ARHGAP25: variants seen among roughly 807,000 people sequenced by gnomAD.
The protein encoded by ARHGAP25 is Rho GTPase activating protein 25.
Under a neutral mutation model 71.0 loss-of-function variants are expected in ARHGAP25, and 34 were observed. The observed-to-expected ratio is 0.48, with a 90% CI of 0.36 to 0.64. ARHGAP25 has a LOEUF of 0.64. Among genes scored for constraint, ARHGAP25 ranks in the 30% least tolerant of loss-of-function variants. The pLI is 0.00. For synonymous variants in ARHGAP25, 282 were observed against 296.5 expected (o/e 0.95, Z 0.50); for missense variants, 706 against 805.1 (o/e 0.88, Z 1.49).
intron 2 of ARHGAP25, among the ~76,000 whole-genome samples, chr2:68,778,349 T>A (rs917407325): frequency 6.6e-5 from 10 of 151,948 alleles, no homozygotes; most frequent in Admixed American, 1.3e-4. Context: ...TATATACTAA[T>A]CCCATTCTTG....
At chr2:68,802,706 A>AG (rs1491439738) in intron 4 of ARHGAP25, among the ~76,000 whole-genome samples, 3 of 45,798 alleles carry the variant, frequency 6.6e-5, no homozygotes, top group African/African-American at 1.5e-4. Flanking sequence ...AATAGAGGAG[A>AG]AAGAGAGAGA....
chr2:68,782,102 A>G, intron 2 of ARHGAP25, 131 bp from the exon 3 acceptor site: 1 of 757,574 alleles, frequency 1.3e-6, no homozygotes, highest in Non-Finnish European at 2.1e-6. Flanking sequence ...TAAAACTGGG[A>G]GGCTAGCTTC....
At chr2:68,721,722 G>A (rs1674767492) in intron 2 of ARHGAP25, among the ~76,000 whole-genome samples, 1 of 152,238 alleles carries the variant, frequency 6.6e-6, no homozygotes, top group African/African-American at 2.4e-5. Flanking sequence ...GCTGGGTGGT[G>A]GAGCAGTCCA....
chr2:68,726,189 A>T (rs72828865), intron 2 of ARHGAP25, among the ~76,000 whole-genome samples: 3,600 of 152,318 alleles, frequency 0.024, 60 homozygotes, highest in Non-Finnish European at 0.035. Flanking sequence ...CTGTGTTCTC[A>T]GCACCTAGAG....
intron 1 of ARHGAP25, among the ~76,000 whole-genome samples, chr2:68,757,204 T>C (rs1012201910): frequency 1.3e-5 from 2 of 152,096 alleles, no homozygotes; most frequent in African/African-American, 2.4e-5. Flanking sequence ...AGCTTACTCA[T>C]TGTGGGAGTC....
At chr2:68,819,421 T>A (rs936084320) in intron 9 of ARHGAP25, 102 bp downstream of exon 9, 28 of 1,226,428 alleles carry the variant, frequency 2.3e-5, no homozygotes, top group Non-Finnish European at 3.2e-5. Context: ...GAGTTTTAGG[T>A]GATGCAGTGG....
Position 68,817,936 on chromosome 2 carries a change from T to G in ARHGAP25, c.945T>G (p.Thr315=). ...VNKMSVDNLA[T]VIGVNLIRSK... ...AGATGAGTGTGGACAACCTGGCTAC[T>G]GTGATTGGTGTGAATCTCATCAGGT... is the stretch of plus-strand genomic sequence containing the variant. Residue 315 remains threonine (T), a synonymous_variant, in exon 8 of 11, where the codon ACT becomes ACG. Transcript: ENST00000409202. 6.2e-7 allele frequency: 1 copy of G among 1,614,156 alleles called. No individual in the cohort carries two copies. The highest frequency in any genetic ancestry group is 1.1e-5 in the South Asian group (1 of 91,082).
intron 2 of ARHGAP25, among the ~76,000 whole-genome samples, chr2:68,777,581 T>G (rs1282343883): frequency 6.6e-6 from 1 of 152,206 alleles, no homozygotes; most frequent in East Asian, 1.9e-4. Context: ...TAGGTAACAC[T>G]TCTAGGATGA....
chr2:68,818,579 C>A (rs1389464689), intron 8 of ARHGAP25, among the ~76,000 whole-genome samples: 1 of 152,224 alleles, frequency 6.6e-6, no homozygotes, highest in Non-Finnish European at 1.5e-5. Flanking sequence ...CTTCCCACCT[C>A]GGCCTCCCAA....
chr2:68,721,499 G>A lies in ARHGAP25; in HGVS notation c.-18+10801G>A, dbSNP rs115389797. Reference sequence around the variant, plus strand: ...AATTGGATTTGAAATGGCAATGAAAGTCAAAGTGTTATCTTTGCCAGTGTG... The same window carrying A: ...AATTGGATTTGAAATGGCAATGAAAATCAAAGTGTTATCTTTGCCAGTGTG... On this transcript the variant is annotated intron_variant and NMD_transcript_variant, in intron 2 of 7. Transcript: ENST00000463483. Among the ~76,000 whole-genome samples the A allele has an allele frequency of 6.9e-3, 1,049 of 152,328 alleles. 21 individuals carry two copies. Among genetic ancestry groups the A allele is most frequent in the African/African-American group, 0.025 (1,020 of 41,580 alleles).
intron 4 of ARHGAP25, among the ~76,000 whole-genome samples, chr2:68,803,633 C>G (rs775059323): frequency 6.6e-6 from 1 of 151,818 alleles, no homozygotes; most frequent in South Asian, 2.1e-4. Flanking sequence ...TTTCAACATA[C>G]AAAGAGAAAC....
At chr2:68,773,954 C>T (rs569728377) in intron 1 of ARHGAP25, among the ~76,000 whole-genome samples, 2 of 152,168 alleles carry the variant, frequency 1.3e-5, no homozygotes, top group South Asian at 4.2e-4. Context: ...GTGAGGAAGC[C>T]GAGGCTCAGA....
chr2:68,818,430 T>C (rs1368341030), intron 8 of ARHGAP25, among the ~76,000 whole-genome samples: 1 of 152,160 alleles, frequency 6.6e-6, no homozygotes, highest in South Asian at 2.1e-4. Context: ...AGGGTTCAAG[T>C]GATTCTCCTG....
intron 1 of ARHGAP25, among the ~76,000 whole-genome samples, chr2:68,735,952 A>T (rs1250675404): frequency 1.3e-5 from 2 of 152,168 alleles, no homozygotes; most frequent in African/African-American, 2.4e-5. Context: ...TTTAATCTAT[A>T]TATTCGTTAT....
intron 5 of ARHGAP25, 114 bp downstream of exon 5, chr2:68,807,594 C>T: frequency 9.3e-7 from 1 of 1,069,702 alleles, no homozygotes; most frequent in Non-Finnish European, 1.4e-6. Context: ...TTCTAAGAGC[C>T]CTGGCTTACA....
chr2:68,738,581 T>C (rs988163127), intron 1 of ARHGAP25, among the ~76,000 whole-genome samples: 2 of 152,138 alleles, frequency 1.3e-5, no homozygotes, highest in Non-Finnish European at 2.9e-5. Context: ...TTGCTTTCCA[T>C]GAGTAGCCTC....
At chr2:68,815,503 T>G (rs1681148665) in intron 6 of ARHGAP25, among the ~76,000 whole-genome samples, 1 of 131,920 alleles carries the variant, frequency 7.6e-6, no homozygotes, top group South Asian at 2.4e-4. Flanking sequence ...CAGGCTGGAG[T>G]GCAGTGGCGC....
Position 68,767,960 on chromosome 2 carries a change from A to C in ARHGAP25, c.62-7261A>C, listed in dbSNP as rs758982837. ...AAAGGTGGCATGGTCTCTCCTGTCC[A>C]CTTCACTCTGGATTCTTTAACCCTG... On this transcript the variant is annotated intron_variant, in intron 1 of 10. Coordinates refer to ENST00000409202, the MANE Select transcript of ARHGAP25 (RefSeq NM_001007231.3). This position sits in a 1 kb window ranked among gnomAD's most constrained non-coding sequence, Gnocchi z 4.6. 2.0e-5 allele frequency among the ~76,000 whole-genome samples: 3 copies of C among 152,204 alleles called. No individual in the cohort carries two copies. The highest frequency in any genetic ancestry group is 4.4e-5 in the Non-Finnish European group (3 of 68,040).
intron 1 of ARHGAP25, among the ~76,000 whole-genome samples, chr2:68,754,881 A>C (rs1676386618): frequency 6.6e-6 from 1 of 152,180 alleles, no homozygotes; most frequent in South Asian, 2.1e-4. Context: ...TCTCAGATCA[A>C]AATTTTGCTC....
Sources: allele counts gnomAD v4.1 joint callset (sites outside exome capture counted in the v4.1 genomes callset), GRCh38; gene constraint gnomAD v4.1.1; non-coding constraint Gnocchi (gnomAD v3.1); transcripts MANE v1.5; gene names NCBI Gene and HGNC (gene_info 2026-07-23, HGNC 2026-07-21).